The following NFIA variants were observed in gnomAD, a reference collection of about 807,000 sequenced individuals.
NFIA encodes the protein nuclear factor 1 A-type.
In NFIA, 8 loss-of-function variants were observed where a neutral mutation model predicts 62.8. The observed-to-expected ratio is 0.13, with a 90% CI of 0.07 to 0.23. NFIA has a LOEUF of 0.23. Ranked by LOEUF, NFIA falls within the 10% of genes least tolerant of loss-of-function variation. NFIA has a pLI of 1.00. For synonymous variants in NFIA, 235 were observed against 238.1 expected (o/e 0.99, Z 0.12); for missense variants, 410 against 642.1 (o/e 0.64, Z 3.91).
intron 2 of NFIA, among the ~76,000 whole-genome samples, chr1:61,184,819 G>T (rs1035268535): frequency 1.3e-5 from 2 of 152,202 alleles, no homozygotes; most frequent in African/African-American, 4.8e-5. Flanking sequence ...ATGCAACCTG[G>T]AGAGTAAGGT....
At chr1:61,303,578 A>G (rs1318357823) in intron 3 of NFIA, among the ~76,000 whole-genome samples, 2 of 152,224 alleles carry the variant, frequency 1.3e-5, no homozygotes, top group African/African-American at 4.8e-5. Context: ...GTGTGGATGG[A>G]ATGAAGACAG....
chr1:61,215,182 G>A (rs333148), intron 2 of NFIA, among the ~76,000 whole-genome samples: 10,305 of 152,080 alleles, frequency 0.068, 467 homozygotes, highest in East Asian at 0.2. Context: ...ACCTTTGATG[G>A]ATTCTTCAAT....
chr1:61,153,624 C>T (rs1648580611), intron 2 of NFIA, among the ~76,000 whole-genome samples: 1 of 152,162 alleles, frequency 6.6e-6, no homozygotes, highest in South Asian at 2.1e-4. Context: ...TTTCAGCTAG[C>T]TTGTTCAGTT....
chr1:61,340,942 A>G (rs1257941337), intron 4 of NFIA, among the ~76,000 whole-genome samples: 1 of 152,056 alleles, frequency 6.6e-6, no homozygotes, highest in Admixed American at 6.6e-5. Context: ...TTATTCTAGA[A>G]ATTGTTCTCC....
rs17121586 is a variant in NFIA, at chr1:61,092,570, G to C, written c.559+3890G>C. Among the ~76,000 whole-genome samples, 1,745 of 152,196 alleles carry C rather than the reference G, an allele frequency of 0.011. 101 individuals carry two copies. In the East Asian group the frequency reaches 0.18, roughly 16 times the overall value. ...TATAAACCTACTCAACAGTATTACT[G>C]ATTACCACATTACCTGTACCATATT... On this transcript the variant is annotated intron_variant, in intron 2 of 10. Transcript: ENST00000403491.
At chr1:61,359,616 T>TGTC (rs1663173836) in intron 6 of NFIA, among the ~76,000 whole-genome samples, 1 of 152,202 alleles carries the variant, frequency 6.6e-6, no homozygotes, top group Non-Finnish European at 1.5e-5. Flanking sequence ...AGTCTTGCCC[T>TGTC]GTCGCCCGGG....
chr1:61,370,069 T>G (rs945895669), intron 6 of NFIA, among the ~76,000 whole-genome samples: 2 of 152,276 alleles, frequency 1.3e-5, no homozygotes, highest in Middle Eastern at 6.8e-3. Flanking sequence ...AGGGAAGAAA[T>G]AAGTCCTTGG....
intron 3 of NFIA, among the ~76,000 whole-genome samples, chr1:61,292,181 G>T (rs1041868991): frequency 4.6e-5 from 7 of 152,070 alleles, no homozygotes; most frequent in Non-Finnish European, 1.0e-4. Flanking sequence ...AAAAGCTACA[G>T]TATAAATGGA....
chr1:61,167,997 G>A (rs1358441244), intron 2 of NFIA, among the ~76,000 whole-genome samples: 2 of 152,178 alleles, frequency 1.3e-5, no homozygotes, highest in Non-Finnish European at 2.9e-5. Context: ...TACCTTGCAT[G>A]TACATGATGG....
Position 61,102,390 on chromosome 1 carries a change from A to G in NFIA, c.559+13710A>G, listed in dbSNP as rs550948031. Among the ~76,000 whole-genome samples the G allele has an allele frequency of 3.9e-5, 6 of 152,350 alleles. 1 individual carries two copies. Among genetic ancestry groups the G allele is most frequent in the African/African-American group, 1.4e-4 (6 of 41,592 alleles). On this transcript the variant is annotated intron_variant, in intron 2 of 10. Transcript: ENST00000403491. ...TCACAATTTACTTGATGATTTTAGC[A>G]ATATTTGATGTTTCCTTTCAGAGTC...
chr1:61,111,562 A>G (rs1031160326), intron 2 of NFIA, among the ~76,000 whole-genome samples: 1 of 152,162 alleles, frequency 6.6e-6, no homozygotes, highest in African/African-American at 2.4e-5. Flanking sequence ...TTTATAGCCA[A>G]CAGAAAAGGA....
intron 7 of NFIA, among the ~76,000 whole-genome samples, chr1:61,403,663 T>TA (rs1665677671): frequency 6.6e-6 from 1 of 152,198 alleles, no homozygotes; most frequent in African/African-American, 2.4e-5. Context: ...GAAAGGGGTA[T>TA]AAGAGGTTTA....
At position 61,455,327 on chromosome 1, in the gene NFIA, C is replaced by G. The variant is rs765026319; in HGVS notation, c.*7C>G. The G allele has an allele frequency of 6.2e-7, 1 of 1,614,038 alleles. No homozygotes were observed. Among genetic ancestry groups the G allele is most frequent in the East Asian group, 2.2e-5 (1 of 44,882 alleles). ...GTCCTGGTACCTGGGATAAAAGTTG[C>G]AGCGTCCCACCATCCACCAGACAGA... On this transcript the variant is annotated 3_prime_UTR_variant, in exon 11 of 11. Transcript: ENST00000403491.
Position 61,225,782 on chromosome 1 carries a change from AT to A in NFIA, c.560-51735del, listed in dbSNP as rs562826984. 9.4e-3 allele frequency among the ~76,000 whole-genome samples: 1,432 copies of A among 152,152 alleles called. 28 individuals carry two copies. The highest frequency in any genetic ancestry group is 8.5e-3 in the Non-Finnish European group (575 of 67,994). ...GAGCCCTCATTAGTATGAGAGATTA[AT>A]TTATTTCAGTGTTTGAGCTGTTACT... On this transcript the variant is annotated intron_variant, in intron 2 of 10. Transcript: ENST00000403491.
intron 2 of NFIA, among the ~76,000 whole-genome samples, chr1:61,170,348 T>G (rs1170890345): frequency 1.3e-5 from 2 of 152,200 alleles, no homozygotes; most frequent in African/African-American, 4.8e-5. Context: ...GAACTTCCTT[T>G]TACCTCGATG....
chr1:61,162,206 G>A (rs1249983726), intron 2 of NFIA, among the ~76,000 whole-genome samples: 1 of 152,100 alleles, frequency 6.6e-6, no homozygotes, highest in Non-Finnish European at 1.5e-5. Flanking sequence ...GCCCCAGTTG[G>A]AATCAGCCCC....
chr1:61,372,168 G>A (rs1442138867), intron 6 of NFIA, among the ~76,000 whole-genome samples: 1 of 152,072 alleles, frequency 6.6e-6, no homozygotes, highest in Non-Finnish European at 1.5e-5. Flanking sequence ...AGAAAAAAGG[G>A]TGAATCATTA....
intron 2 of NFIA, among the ~76,000 whole-genome samples, chr1:61,219,358 T>C (rs1653856725): frequency 6.6e-6 from 1 of 152,182 alleles, no homozygotes; most frequent in African/African-American, 2.4e-5. Flanking sequence ...ATTTGGCATA[T>C]ATAAGGAGTC....
At chr1:61,427,426 G>A (rs912864074) in intron 10 of NFIA, among the ~76,000 whole-genome samples, 1 of 152,158 alleles carries the variant, frequency 6.6e-6, no homozygotes, top group Non-Finnish European at 1.5e-5. Flanking sequence ...CATAAGGAAA[G>A]TATTTTCTCT....
Sources: gnomAD v4.1 joint callset for allele counts (sites outside exome capture counted in the v4.1 genomes callset) on GRCh38, gnomAD v4.1.1 for gene constraint, MANE v1.5 for transcripts, NCBI Gene and HGNC (gene_info 2026-07-23, HGNC 2026-07-21) for gene names.